Variants in SYT16 observed in about 807,000 individuals in gnomAD.
The protein encoded by SYT16 is synaptotagmin 16.
SYT16 carries 42 observed loss-of-function variants against 61.4 expected under a neutral mutation model. The observed-to-expected ratio is 0.68, with a 90% CI of 0.53 to 0.89. The LOEUF (loss-of-function observed/expected upper bound fraction) is 0.89. SYT16 is among the 40% of genes least tolerant of loss of function. The probability of loss-of-function intolerance (pLI) is 0.00; values close to 1 mark genes in which losing one functional copy is unlikely to be tolerated. For missense variants in SYT16, 804 were observed against 807.3 expected, an observed-to-expected ratio of 1.00 and a Z score of 0.05; for synonymous variants, 314 against 302.3, an observed-to-expected ratio of 1.04 and a Z score of -0.40.
intron 3 of SYT16, among the ~76,000 whole-genome samples, chr14:62,028,741 C>G (rs1181057322): frequency 6.6e-5 from 10 of 152,142 alleles, no homozygotes. Flanking sequence ...TATTGTACAA[C>G]TAGTGCTGAA....
upstream of SYT16, chr14:61,812,324 G>A (rs1026386869): frequency 4.6e-5 from 7 of 152,454 alleles, no homozygotes; most frequent in African/African-American, 1.7e-4. Flanking sequence ...CAACCCCGCT[G>A]GTGAGAAGCT....
At chr14:62,004,775 TG>T (rs1452069343) in intron 3 of SYT16, among the ~76,000 whole-genome samples, 1 of 152,224 alleles carries the variant, frequency 6.6e-6, no homozygotes, top group African/African-American at 2.4e-5. Context: ...TTGGCATCTT[TG>T]ACCCTTGAAG....
chr14:61,983,516 GT>G (rs1224041293), intron 2 of SYT16, among the ~76,000 whole-genome samples: 1 of 151,754 alleles, frequency 6.6e-6, no homozygotes, highest in African/African-American at 2.4e-5. Context: ...ATAATTTCAG[GT>G]TTTTTTTGTT....
intron 1 of SYT16, among the ~76,000 whole-genome samples, chr14:61,852,809 A>G (rs1467857535): frequency 6.6e-6 from 1 of 152,206 alleles, no homozygotes; most frequent in Non-Finnish European, 1.5e-5. Flanking sequence ...TTAAAAAGCA[A>G]CATATCTTTT....
chr14:61,895,449 T>C (rs2048293411), intron 1 of SYT16, among the ~76,000 whole-genome samples: 1 of 152,226 alleles, frequency 6.6e-6, no homozygotes, highest in African/African-American at 2.4e-5. Context: ...TGAATCTTTT[T>C]CTTGTTCAAG....
intron 1 of SYT16, among the ~76,000 whole-genome samples, chr14:61,822,515 A>C (rs1363001849): frequency 6.6e-6 from 1 of 152,222 alleles, no homozygotes; most frequent in Non-Finnish European, 1.5e-5. Flanking sequence ...ACTGTTAACC[A>C]TTGCAGGTGG....
chr14:62,054,248 G>A (rs1295291133), intron 3 of SYT16, among the ~76,000 whole-genome samples: 2 of 151,362 alleles, frequency 1.3e-5, no homozygotes, highest in Non-Finnish European at 2.9e-5. Context: ...GGAATCATTT[G>A]GGGGCTGCTA....
At chr14:61,977,215 A>T (rs1310659358) in intron 2 of SYT16, among the ~76,000 whole-genome samples, 1 of 152,142 alleles carries the variant, frequency 6.6e-6, no homozygotes, top group Non-Finnish European at 1.5e-5. Flanking sequence ...CAAACCCTCC[A>T]AACTGTTCCA....
At chr14:61,922,255 C>A (rs545279585) in intron 1 of SYT16, among the ~76,000 whole-genome samples, 151 of 152,202 alleles carry the variant, frequency 9.9e-4, no homozygotes, top group Middle Eastern at 3.4e-3. Flanking sequence ...CAGCACTATT[C>A]GCAATAGTAA....
chr14:62,075,797 C>T (rs2056475666), intron 5 of SYT16, among the ~76,000 whole-genome samples: 3 of 151,738 alleles, frequency 2.0e-5, no homozygotes, highest in Admixed American at 2.0e-4. Context: ...TTTATTTAGC[C>T]CAAATCTCAA....
chr14:61,954,433 T>C (rs966966881), intron 1 of SYT16, among the ~76,000 whole-genome samples: 1 of 152,010 alleles, frequency 6.6e-6, no homozygotes, highest in Admixed American at 6.6e-5. Flanking sequence ...CCTTGAGCCA[T>C]TGCTTGAAAA....
intron 3 of SYT16, among the ~76,000 whole-genome samples, chr14:62,060,309 T>C (rs2055769315): frequency 6.6e-6 from 1 of 152,072 alleles, no homozygotes; most frequent in South Asian, 2.1e-4. Context: ...TATTAGTGCA[T>C]TTTGATGCTC....
At chr14:61,935,778 C>T (rs535605310) in intron 1 of SYT16, among the ~76,000 whole-genome samples, 1 of 152,272 alleles carries the variant, frequency 6.6e-6, no homozygotes, top group Admixed American at 6.5e-5. Flanking sequence ...CTTGATCTTG[C>T]TTTGCATCGT....
At chr14:61,942,740 A>G (rs2050255176) in intron 1 of SYT16, among the ~76,000 whole-genome samples, 1 of 152,090 alleles carries the variant, frequency 6.6e-6, no homozygotes, top group South Asian at 2.1e-4. Context: ...CATTCTGTAA[A>G]GTTTCAGTTT....
rs1343840325 is a variant in SYT16, at chr14:61,915,691, A to T, written c.-324-54441A>T. ...TACTCTAAAGGAAATAGATATCTATATGAAGTTCACTGCTGGGAAAATTGC... is the reference window on the plus strand; with the variant it reads ...TACTCTAAAGGAAATAGATATCTATTTGAAGTTCACTGCTGGGAAAATTGC... On this transcript the variant is annotated intron_variant, in intron 1 of 7. Coordinates refer to ENST00000683842, the MANE Select transcript of SYT16 (RefSeq NM_001367656.1). Among the ~76,000 whole-genome samples, 4 of 152,318 alleles carry T rather than the reference A, an allele frequency of 2.6e-5. No homozygotes were observed. In the South Asian group the frequency reaches 6.2e-4, roughly 24 times the overall value.
At chr14:62,013,124 A>G (rs532474760) in intron 3 of SYT16, among the ~76,000 whole-genome samples, 1 of 152,328 alleles carries the variant, frequency 6.6e-6, no homozygotes, top group East Asian at 1.9e-4. Flanking sequence ...TTATTTAATC[A>G]TCATTGAAAT....
chr14:62,075,620 G>GAAAAAAAAAAAAAAAAAA (rs66588591), intron 5 of SYT16, among the ~76,000 whole-genome samples: 4 of 91,838 alleles, frequency 4.4e-5, no homozygotes, highest in African/African-American at 1.5e-4. Flanking sequence ...AAAAAAAAAA[G>GAAAAAAAAAAAAAAAAAA]AAAAAAAGAA....
At chr14:61,907,236 C>A (rs1566670110) in intron 1 of SYT16, among the ~76,000 whole-genome samples, 1 of 152,078 alleles carries the variant, frequency 6.6e-6, no homozygotes, top group Non-Finnish European at 1.5e-5. Context: ...GTTATGGTTG[C>A]TTTGAGTATT....
At chr14:61,876,763 C>T (rs886302293) in intron 1 of SYT16, among the ~76,000 whole-genome samples, 6 of 152,150 alleles carry the variant, frequency 3.9e-5, no homozygotes, top group East Asian at 1.9e-4. Context: ...AAGGGGACAG[C>T]GCATTTCAAG....
Sources: gnomAD v4.1 joint callset for allele counts (sites outside exome capture counted in the v4.1 genomes callset) on GRCh38, gnomAD v4.1.1 for gene constraint, MANE v1.5 for transcripts, NCBI Gene and HGNC (gene_info 2026-07-23, HGNC 2026-07-21) for gene names.